Variants in ASB2 observed in about 807,000 individuals in gnomAD.
ASB2 encodes the protein ankyrin repeat and SOCS box containing 2.
In ASB2, 58 loss-of-function variants were observed where a neutral mutation model predicts 62.4. That is an observed-to-expected ratio of 0.93 (90% CI 0.75 to 1.16). ASB2 has a LOEUF of 1.16. Ranked by LOEUF, ASB2 falls within the 50% of genes most tolerant of loss-of-function variation. The pLI is 0.00. For missense variants in ASB2, 928 were observed against 887.9 expected, an observed-to-expected ratio of 1.05 and a Z score of -0.57; for synonymous variants, 386 against 385.3, an observed-to-expected ratio of 1.00 and a Z score of -0.02.
intron 2 of ASB2, among the ~76,000 whole-genome samples, chr14:93,962,632 C>T (rs1017677566): frequency 1.3e-5 from 2 of 152,184 alleles, no homozygotes; most frequent in Non-Finnish European, 2.9e-5. Context: ...CATTTCCTTA[C>T]CCTCCAGATG....
chr14:93,937,718 G>A lies in ASB2; in HGVS notation c.1751C>T (p.Ala584Val). 1 of 1,609,922 alleles carries A rather than the reference G, an allele frequency of 6.2e-7. No homozygotes were observed. ...KEHIDSFEDW[A>V]VIKEKAEPPR... ...CCTACCTGCCTTCTCCTTGATGACG[G>A]CCCAGTCCTCAAAGCTGTCGATGTG... Residue 584 changes from alanine to valine, a missense_variant, in exon 9 of 10, where the codon GCC becomes GTC. Transcript: ENST00000555019.
In ASB2 at chr14:93,937,670, A is replaced by C. The variant is rs779264333; in HGVS notation, c.1771+28T>G. ...TCTGAGTCAGGCAGGGAGATCTGCC[A>C]GCCTTGGCAGCAGCAGCAAGTCCCT... On this transcript the variant is annotated intron_variant, in intron 9 of 9. Transcript: ENST00000555019. The C allele has an allele frequency of 1.9e-6, 3 of 1,590,902 alleles. No individual in the cohort carries two copies. In the African/African-American group the frequency reaches 4.0e-5, roughly 21 times the overall value.
intron 2 of ASB2, among the ~76,000 whole-genome samples, chr14:93,963,180 C>T (rs759834984): frequency 6.6e-6 from 1 of 152,198 alleles, no homozygotes; most frequent in African/African-American, 2.4e-5. Context: ...ACTGTGACTG[C>T]ACATCGGAAA....
In ASB2 at chr14:93,945,958, T is replaced by C. The variant is rs528337461; in HGVS notation, c.1052+1391A>G. ...CATCAGGGTACATGAGATGGGATTTTAAATGAAATGTTTTTAAAATTGATT... is the reference window on the plus strand; with the variant it reads ...CATCAGGGTACATGAGATGGGATTTCAAATGAAATGTTTTTAAAATTGATT... On this transcript the variant is annotated intron_variant, in intron 7 of 9. Transcript: ENST00000555019. 3.3e-5 allele frequency among the ~76,000 whole-genome samples: 5 copies of C among 152,346 alleles called. No individual in the cohort carries two copies. In the East Asian group the frequency reaches 9.6e-4, roughly 29 times the overall value.
intron 7 of ASB2, 147 bp downstream of exon 7, chr14:93,947,202 A>T (rs923750831): frequency 1.3e-6 from 1 of 794,930 alleles, no homozygotes; most frequent in African/African-American, 1.7e-5. Context: ...CCTCCTTTCC[A>T]TGGGAAAGGT....
At position 93,936,976 on chromosome 14, in the gene ASB2, G is replaced by GCC. The variant is rs1338149994; in HGVS notation, c.1771+720_1771+721dup. Among the ~76,000 whole-genome samples the GCC allele has an allele frequency of 4.6e-5, 7 of 152,374 alleles. No homozygotes were observed. The South Asian group carries it at 1.2e-3, about 27-fold the overall frequency. ...TTCCTCAGCCTGACTTAGCCAGGCA[G>GCC]CCCCATCTACTCTGCACACATCAGA... On this transcript the variant is annotated intron_variant, in intron 9 of 9. Transcript: ENST00000555019.
chr14:93,965,989 C>T (rs1200684834), intron 1 of ASB2, among the ~76,000 whole-genome samples: 1 of 152,260 alleles, frequency 6.6e-6, no homozygotes, highest in East Asian at 1.9e-4. Context: ...TTCTTCAAGG[C>T]CCAGGGCAAG....
At chr14:93,947,571 G>A in intron 6 of ASB2, 51 bp from the exon 7 acceptor site, 1 of 1,594,172 alleles carries the variant, frequency 6.3e-7, no homozygotes, top group East Asian at 2.2e-5. Context: ...GGAAGTTGCT[G>A]TCCTCAATGT....
chr14:93,974,135 C>G (rs562071002), intron 1 of ASB2: 1 of 152,362 alleles, frequency 6.6e-6, no homozygotes, highest in East Asian at 1.9e-4. Context: ...TTTATCCTCT[C>G]TCCTCTGAGT....
intron 1 of ASB2, among the ~76,000 whole-genome samples, chr14:93,975,916 C>T (rs1889898397): frequency 6.6e-6 from 1 of 152,258 alleles, no homozygotes; most frequent in Non-Finnish European, 1.5e-5. Context: ...TAACATTCCT[C>T]CATTTCCTCT....
chr14:93,938,831 C>T (rs377424826), intron 8 of ASB2, among the ~76,000 whole-genome samples: 1 of 152,222 alleles, frequency 6.6e-6, no homozygotes. Flanking sequence ...TGCTAACCAC[C>T]GGTTCCGCTG....
chr14:93,959,929 C>T (rs993431344), intron 2 of ASB2, among the ~76,000 whole-genome samples: 12 of 151,334 alleles, frequency 7.9e-5, no homozygotes, highest in African/African-American at 1.5e-4. Flanking sequence ...TTCCGCCCCA[C>T]GCCCGCCAAC....
chr14:93,939,093 G>C lies in ASB2; in HGVS notation c.1617+15C>G. ...CCAAAAGGCGTGCTCCCCACCGCCA[G>C]CGTGCGCTGCCCACCTGCACCACGC... On this transcript the variant is annotated intron_variant, in intron 8 of 9. Transcript: ENST00000555019. 2.1e-6 allele frequency: 3 copies of C among 1,448,356 alleles called. No homozygotes were observed. Among genetic ancestry groups the C allele is most frequent in the Non-Finnish European group, 2.7e-6 (3 of 1,101,448 alleles). 89.7% of individuals were successfully genotyped at this position (1,448,356 alleles called of 1,614,324 possible). A position where few individuals can be genotyped will look rare whatever the true frequency, so the allele number is the denominator to read the frequency against.
At chr14:93,938,091 A>G (rs1415618680) in intron 8 of ASB2, among the ~76,000 whole-genome samples, 3 of 152,082 alleles carry the variant, frequency 2.0e-5, no homozygotes, top group South Asian at 2.1e-4. Context: ...TATGAAACCA[A>G]CTCCAAGGGG....
chr14:93,937,803 T>C lies in ASB2; in HGVS notation c.1666A>G (p.Ile556Val). 2.5e-6 allele frequency: 4 copies of C among 1,611,532 alleles called. No homozygotes were observed. Among genetic ancestry groups the C allele is most frequent in the Non-Finnish European group, 3.4e-6 (4 of 1,177,888 alleles). The change falls in exon 9 of 10, where the codon ATC becomes GTC. Residue 556 changes from isoleucine to valine, a missense_variant. Transcript: ENST00000555019. ...ACGTAGTCCAGGAGGACATCGATGA[T>C]GGGCCCCGCCCAGCGGCTCACCTCT... ...APEVSRWAGP[I>V]IDVLLDYVGN... is the part of the protein sequence containing the mutation.
intron 3 of ASB2, 142 bp downstream of exon 3, chr14:93,956,624 C>T: frequency 2.7e-6 from 3 of 1,130,968 alleles, no homozygotes; most frequent in Non-Finnish European, 3.8e-6. Flanking sequence ...AGGGGGGCAC[C>T]CCTAGAAGGA....
At chr14:93,936,521 C>T (rs146622922) in intron 9 of ASB2, among the ~76,000 whole-genome samples, 2 of 152,358 alleles carry the variant, frequency 1.3e-5, no homozygotes, top group Admixed American at 6.5e-5. Context: ...TATCATGCGT[C>T]TAGAGTTAAG....
chr14:93,954,633 G>C (rs1225992560), intron 3 of ASB2, 150 bp from the exon 4 acceptor site: 1 of 675,262 alleles, frequency 1.5e-6, no homozygotes, highest in Admixed American at 2.9e-5. Flanking sequence ...CCCAGTGGCT[G>C]CAAGAGGACT....
At chr14:93,974,345 C>T (rs369849327) in intron 1 of ASB2, among the ~76,000 whole-genome samples, 14 of 152,192 alleles carry the variant, frequency 9.2e-5, no homozygotes, top group African/African-American at 3.4e-4. Flanking sequence ...TATTCCTGGG[C>T]GTTAATTATT....
Sources: allele counts gnomAD v4.1 joint callset (sites outside exome capture counted in the v4.1 genomes callset), GRCh38; gene constraint gnomAD v4.1.1; transcripts MANE v1.5; gene names NCBI Gene and HGNC (gene_info 2026-07-23, HGNC 2026-07-21).